PCDHA1: variants seen among roughly 807,000 people sequenced by gnomAD.
The protein encoded by PCDHA1 is protocadherin alpha 1.
A neutral mutation model predicts 61.3 loss-of-function variants in PCDHA1; 42 were observed. The ratio of observed to expected loss-of-function variants is 0.69; its 90% CI spans 0.54 to 0.89. The LOEUF (loss-of-function observed/expected upper bound fraction) is 0.89. Ranked by LOEUF, PCDHA1 falls within the 40% of genes least tolerant of loss-of-function variation. PCDHA1 has a pLI of 0.00. For missense variants in PCDHA1, 1,256 were observed against 1,235.3 expected (o/e 1.02, Z -0.25); for synonymous variants, 610 against 553.8 (o/e 1.10, Z -1.43).
chr5:140,870,915 G>A (rs1554164824), intron 1 of PCDHA1: 4 of 1,613,830 alleles, frequency 2.5e-6, no homozygotes, highest in Non-Finnish European at 3.4e-6. Flanking sequence ...GCTACAACGC[G>A]TGGCTTTCAT....
chr5:140,786,633 C>G lies in PCDHA1; in HGVS notation c.343C>G (p.Gln115Glu), dbSNP rs782506205. The G allele has an allele frequency of 1.2e-6, 2 of 1,614,128 alleles. No homozygotes were observed. The highest frequency in any genetic ancestry group is 1.7e-6 in the Non-Finnish European group (2 of 1,180,058). The change falls in exon 1 of 4, where the codon CAG becomes GAG. Residue 115 changes from glutamine (Q) to glutamate (E), a missense_variant. Gln to Glu is a conservative substitution (Grantham distance 29). Transcript: ENST00000504120. The part of the protein sequence containing the change: ...HLELIADRPL[Q>E]VFHVEVKVKD... ...GGAGTTGATCGCCGACAGGCCGCTG[C>G]AGGTTTTCCATGTGGAGGTGAAGGT...
At chr5:140,842,290 G>A (rs2150333533) in intron 1 of PCDHA1, 1 of 1,610,202 alleles carries the variant, frequency 6.2e-7, no homozygotes, top group South Asian at 1.1e-5. Flanking sequence ...TTGACGCCAC[G>A]GACAAAGGCC....
chr5:140,834,759 A>G (rs2150225728), intron 1 of PCDHA1: 8 of 1,614,036 alleles, frequency 5.0e-6, no homozygotes, highest in Non-Finnish European at 6.8e-6. Flanking sequence ...GGTGAAGGAC[A>G]TTAACGACAA....
At chr5:140,858,328 G>T (rs782462952) in intron 1 of PCDHA1, 1 of 1,596,534 alleles carries the variant, frequency 6.3e-7, no homozygotes, top group South Asian at 1.1e-5. Context: ...GTTCTGGGGA[G>T]GGCCTGCCCA....
chr5:140,857,484 G>C (rs1044921765), intron 1 of PCDHA1: 1 of 1,598,418 alleles, frequency 6.3e-7, no homozygotes, highest in African/African-American at 1.3e-5. Flanking sequence ...GTGTCTGCGT[G>C]GGACGCGGAC....
intron 1 of PCDHA1, chr5:140,849,462 G>GTC (rs2150438289): frequency 6.3e-7 from 1 of 1,588,650 alleles, no homozygotes; most frequent in Non-Finnish European, 8.6e-7. Context: ...AGTCGAGGCT[G>GTC]TCGATAAAGG....
chr5:140,869,501 T>A (rs200485559), intron 1 of PCDHA1: 1 of 1,614,192 alleles, frequency 6.2e-7, no homozygotes, highest in Admixed American at 1.7e-5. Flanking sequence ...CCGCCGGTGT[T>A]CTCGCTCAGA....
intron 1 of PCDHA1, chr5:140,863,686 T>G (rs1386583317): frequency 3.4e-6 from 1 of 295,212 alleles, no homozygotes; most frequent in Non-Finnish European, 6.6e-6. Flanking sequence ...CTTTTTCTTT[T>G]GAGATGCTTT....
intron 1 of PCDHA1, chr5:140,857,253 A>G (rs1554149722): frequency 1.3e-6 from 2 of 1,598,432 alleles, no homozygotes; most frequent in Admixed American, 3.4e-5. Context: ...ACCTACAAGA[A>G]TTACTACTCA....
At position 140,787,023 on chromosome 5, in the gene PCDHA1, G is replaced by A; in HGVS notation, c.733G>A (p.Ala245Thr). ...VNDNAPLFDQ[A>T]VYRVHLLETT... ...TGATAACGCCCCACTGTTTGACCAG[G>A]CCGTATACAGAGTCCACTTGTTAGA... Residue 245 changes from alanine to threonine, a missense_variant, in exon 1 of 4, where the codon GCC becomes ACC. Transcript: ENST00000504120. The A allele has an allele frequency of 6.2e-7, 1 of 1,614,174 alleles. No homozygotes were observed. The highest frequency in any genetic ancestry group is 1.3e-5 in the African/African-American group (1 of 75,044).
At chr5:140,854,067 C>T (rs2042967096) in intron 1 of PCDHA1, 1 of 266,958 alleles carries the variant, frequency 3.7e-6, no homozygotes, top group Non-Finnish European at 5.7e-6. Context: ...GAGGCTGAGG[C>T]GAGAGAATCG....
intron 1 of PCDHA1, chr5:140,871,619 A>C: frequency 7.1e-7 from 1 of 1,415,536 alleles, no homozygotes; most frequent in Non-Finnish European, 9.4e-7. Context: ...ATTGTTTTAG[A>C]TAACAATGTC....
chr5:140,851,436 G>C, intron 1 of PCDHA1: 2 of 931,614 alleles, frequency 2.1e-6, no homozygotes, highest in East Asian at 2.3e-4. Context: ...TTAGAAAACA[G>C]TTGCTCCACT....
chr5:140,829,951 C>T (rs2150178473), intron 1 of PCDHA1: 3 of 1,614,004 alleles, frequency 1.9e-6, no homozygotes, highest in Non-Finnish European at 2.5e-6. Flanking sequence ...GCGCTCGCTT[C>T]CCGTTTCGCG....
chr5:140,929,179 G>T (rs782673786), intron 1 of PCDHA1: 5 of 1,614,104 alleles, frequency 3.1e-6, no homozygotes, highest in Non-Finnish European at 4.2e-6. Context: ...TCTGGGACTT[G>T]GTTCTGATAA....
At chr5:140,875,463 A>G in intron 1 of PCDHA1, 1 of 1,599,288 alleles carries the variant, frequency 6.3e-7, no homozygotes, top group Non-Finnish European at 8.5e-7. Context: ...AGAGGCCCTC[A>G]TTTTCTGCAA....
intron 1 of PCDHA1, among the ~76,000 whole-genome samples, chr5:140,936,658 G>A (rs1385566642): frequency 6.6e-6 from 1 of 152,174 alleles, no homozygotes; most frequent in Non-Finnish European, 1.5e-5. Context: ...TATATATTCT[G>A]TTTCTGGACT....
rs2150395747 is a variant in PCDHA1, at chr5:140,846,917, A to G, written c.2394+58233A>G. 4.9e-4 allele frequency among the ~76,000 whole-genome samples: 73 copies of G among 149,736 alleles called. 3 individuals are homozygous for G. The highest frequency in any genetic ancestry group is 1.6e-3 in the African/African-American group (65 of 40,960). ...TGAAGTTGAAAGACAATCATTTCCT[A>G]TTTGAATTTTTGAAGAAATACTTGA... On this transcript the variant is annotated intron_variant, in intron 1 of 3. Coordinates refer to ENST00000504120, the MANE Select transcript of PCDHA1 (RefSeq NM_018900.4).
intron 1 of PCDHA1, among the ~76,000 whole-genome samples, chr5:140,897,805 A>G (rs1216400632): frequency 6.6e-6 from 1 of 152,172 alleles, no homozygotes; most frequent in Non-Finnish European, 1.5e-5. Context: ...AGTCCCACCA[A>G]CAGTGTAAAA....
Sources: gnomAD v4.1 joint callset for allele counts (sites outside exome capture counted in the v4.1 genomes callset) on GRCh38, gnomAD v4.1.1 for gene constraint, MANE v1.5 for transcripts, NCBI Gene and HGNC (gene_info 2026-07-23, HGNC 2026-07-21) for gene names.